The following TARS1 variants were observed in gnomAD, a reference collection of about 807,000 sequenced individuals.
The protein encoded by TARS1 is threonine--tRNA ligase 1, cytoplasmic.
In TARS1, 57 loss-of-function variants were observed where a neutral mutation model predicts 97.7. That is an observed-to-expected ratio of 0.58 (90% confidence interval 0.47 to 0.73). The LOEUF (loss-of-function observed/expected upper bound fraction) is 0.73, where lower values mean the gene tolerates loss of function less well. TARS1 is among the 30% of genes least tolerant of loss of function. TARS1 has a pLI of 0.00. For missense variants in TARS1, 806 were observed against 888.3 expected (o/e 0.91, Z 1.18); for synonymous variants, 312 against 293.7 (o/e 1.06, Z -0.64).
Position 33,467,619 on chromosome 5 carries a change from G to T in TARS1, c.2083G>T (p.Val695Phe), listed in dbSNP as rs762567876. The change falls in exon 19 of 19, where the codon GTC becomes TTC. Residue 695 changes from valine (V) to phenylalanine (F), a missense_variant. Val to Phe is a conservative substitution (Grantham distance 50, BLOSUM62 -1). This residue lies in a region of TARS1 where 446 missense variants were observed against 511.0 expected (regional missense o/e 0.87). Transcript: ENST00000265112. ...TAATATCCGCACAAGAGACAATAAG[G>T]TCCACGGGGAACGCACCATTTCTGA... ...TVNIRTRDNK[V>F]HGERTISETI... 6.2e-7 allele frequency: 1 copy of T among 1,613,966 alleles called. No individual in the cohort carries two copies. The highest frequency in any genetic ancestry group is 8.5e-7 in the Non-Finnish European group (1 of 1,179,926).
rs778545810 is a variant in TARS1, at chr5:33,463,798, A to G, written c.1881A>G (p.Gly627=). 4 of 1,612,406 alleles carry G rather than the reference A, an allele frequency of 2.5e-6. No individual in the cohort carries two copies. The African/African-American group carries it at 4.0e-5, about 16-fold the overall frequency. The change falls in exon 17 of 19, where the codon GGA becomes GGG. Residue 627 remains glycine (G), a synonymous_variant. Coordinates refer to ENST00000265112, the MANE Select transcript of TARS1 (RefSeq NM_152295.5). ...GCCAGGTAATGGTAGTTCCAGTGGG[A>G]CCAACCTGTGATGAATATGCCCAAA... ...SPRQVMVVPV[G]PTCDEYAQKV...
At chr5:33,453,522 C>T (rs1741857785) in intron 4 of TARS1, 110 bp downstream of exon 4, 4 of 1,348,780 alleles carry the variant, frequency 3.0e-6, no homozygotes, top group South Asian at 1.3e-5. Flanking sequence ...TGTTGTCTCA[C>T]TGTCATATTT....
chr5:33,447,825 A>T (rs1223163527), intron 2 of TARS1, among the ~76,000 whole-genome samples: 1 of 152,192 alleles, frequency 6.6e-6, no homozygotes, highest in Non-Finnish European at 1.5e-5. Context: ...TGTTAGTTTG[A>T]CTGTTTTGTT....
intron 2 of TARS1, among the ~76,000 whole-genome samples, chr5:33,447,523 A>G (rs1741479774): frequency 6.6e-6 from 1 of 152,230 alleles, no homozygotes; most frequent in East Asian, 1.9e-4. Context: ...CTGGGATTAC[A>G]GGAATGAACC....
intron 1 of TARS1, among the ~76,000 whole-genome samples, chr5:33,443,795 G>A (rs1324690091): frequency 1.3e-5 from 2 of 152,008 alleles, no homozygotes; most frequent in African/African-American, 2.4e-5. Flanking sequence ...GCGCCCAGCC[G>A]CAATTTTTCT....
rs529536765 is a variant in TARS1 at position 33,448,328 on chromosome 5, G to C, written c.139-213G>C. Among the ~76,000 whole-genome samples the C allele has an allele frequency of 6.6e-5, 10 of 152,258 alleles. No individual in the cohort carries two copies. The South Asian group carries it at 2.1e-3, about 32-fold the overall frequency. On this transcript the variant is annotated intron_variant, in intron 2 of 18. Transcript: ENST00000265112. ...AAATAGTAGCAAAATGGTAATTGTC[G>C]ATTCAGCATAAGAATAGGGCATTTA...
chr5:33,443,311 C>G (rs1741215925), intron 1 of TARS1, among the ~76,000 whole-genome samples: 2 of 119,458 alleles, frequency 1.7e-5, no homozygotes, highest in South Asian at 6.4e-4. Context: ...GATTCCCTCT[C>G]TCTCTCTCCC....
intron 6 of TARS1, 110 bp downstream of exon 6, chr5:33,455,814 T>G: frequency 1.0e-6 from 1 of 999,764 alleles, no homozygotes; most frequent in Non-Finnish European, 1.5e-6. Flanking sequence ...ATTGGTTCTT[T>G]AGCAAAAATT....
At chr5:33,453,173 T>G (rs1217504759) in intron 3 of TARS1, 116 bp from the exon 4 acceptor site, 2 of 1,209,462 alleles carry the variant, frequency 1.7e-6, no homozygotes, top group South Asian at 2.5e-5. Flanking sequence ...AAAATAGAGA[T>G]ACATCAATAT....
At position 33,466,986 on chromosome 5, in the gene TARS1, G is replaced by A; in HGVS notation, c.2023+1G>A. The A allele has an allele frequency of 1.3e-6, 2 of 1,544,184 alleles. No homozygotes were observed. Among genetic ancestry groups the A allele is most frequent in the Non-Finnish European group, 1.7e-6 (2 of 1,144,536 alleles). On this transcript the variant is annotated splice_donor_variant, in intron 18 of 18. Coordinates refer to ENST00000265112, the MANE Select transcript of TARS1 (RefSeq NM_152295.5). LOFTEE classifies it high-confidence loss of function. ...TTAGCACAGTATAACTTCATTTTAGGTAAGAATGGAAACTTACCAAAGAAA... is the reference window on the plus strand; with the variant it reads ...TTAGCACAGTATAACTTCATTTTAGATAAGAATGGAAACTTACCAAAGAAA...
At chr5:33,445,488 G>C (rs1267735156) in intron 2 of TARS1, 84 bp downstream of exon 2, 4 of 1,133,222 alleles carry the variant, frequency 3.5e-6, no homozygotes, top group Non-Finnish European at 5.2e-6. Flanking sequence ...AATGTGTAAG[G>C]GTTCTAATGG....
intron 3 of TARS1, chr5:33,452,410 T>C: frequency 6.5e-7 from 1 of 1,535,372 alleles, no homozygotes; most frequent in East Asian, 2.4e-5. Context: ...TTCCCTCATC[T>C]GGAATGCCAT....
At chr5:33,452,347 A>G (rs1273596818) in intron 3 of TARS1, 1 of 1,535,462 alleles carries the variant, frequency 6.5e-7, no homozygotes, top group Non-Finnish European at 8.7e-7. Flanking sequence ...CTAGTCACAC[A>G]GCTTCCTGCA....
At chr5:33,445,225 A>G in intron 1 of TARS1, 99 bp from the exon 2 acceptor site, 3 of 899,060 alleles carry the variant, frequency 3.3e-6, no homozygotes, top group South Asian at 3.8e-5. Flanking sequence ...TTTAAATTAA[A>G]TAACAAATAC....
intron 10 of TARS1, among the ~76,000 whole-genome samples, chr5:33,458,876 G>A (rs1423239661): frequency 3.3e-5 from 5 of 152,170 alleles, no homozygotes; most frequent in African/African-American, 1.2e-4. Flanking sequence ...GGGACCTGTG[G>A]TCCTTGACAT....
chr5:33,451,897 A>G (rs960712435), intron 3 of TARS1, among the ~76,000 whole-genome samples: 6 of 152,164 alleles, frequency 3.9e-5, no homozygotes, highest in African/African-American at 1.4e-4. Flanking sequence ...TTACACCAAT[A>G]TGATGAAATA....
intron 2 of TARS1, chr5:33,446,345 T>C (rs1339965047): frequency 6.2e-6 from 2 of 322,006 alleles, no homozygotes; most frequent in Non-Finnish European, 1.2e-5. Context: ...TGAAGAAAAT[T>C]GTTGATTGTG....
chr5:33,440,699 A>G (rs1741030453), upstream of TARS1: 1 of 427,370 alleles, frequency 2.3e-6, no homozygotes, highest in East Asian at 3.4e-5. Context: ...AAGGTCCATG[A>G]TTGTTCCACA....
At chr5:33,452,251 C>T (rs1022623539) in intron 3 of TARS1, 123 of 992,614 alleles carry the variant, frequency 1.2e-4, no homozygotes, top group African/African-American at 4.2e-4. Context: ...TGCCTACCTT[C>T]GTTGAGATGT....
Sources: allele counts gnomAD v4.1 joint callset (sites outside exome capture counted in the v4.1 genomes callset), GRCh38; gene constraint gnomAD v4.1.1; regional missense constraint gnomAD v4.1.1; transcripts MANE v1.5; gene names NCBI Gene and HGNC (gene_info 2026-07-23, HGNC 2026-07-21).